The following ABHD3 variants were observed in gnomAD, a reference collection of about 807,000 sequenced individuals.
ABHD3 encodes the protein abhydrolase domain containing 3, phospholipase, also known as phospholipase ABHD3.
A neutral mutation model predicts 48.8 loss-of-function variants in ABHD3; 46 were observed. The ratio of observed to expected loss-of-function variants is 0.94; its 90% confidence interval spans 0.74 to 1.20. The LOEUF is 1.20. Ranked by LOEUF, ABHD3 falls within the 50% of genes most tolerant of loss-of-function variation. ABHD3 has a pLI of 0.00. For missense variants in ABHD3, 490 were observed against 497.8 expected, an observed-to-expected ratio of 0.98 and a Z score of 0.15; for synonymous variants, 192 against 183.7, an observed-to-expected ratio of 1.04 and a Z score of -0.36.
At chr18:21,703,220 C>CCCCA (rs2040553577) in intron 2 of ABHD3, among the ~76,000 whole-genome samples, 1 of 104,308 alleles carries the variant, frequency 9.6e-6, no homozygotes, top group Non-Finnish European at 1.9e-5. Flanking sequence ...CTCACCCCAC[C>CCCCA]CCCCCCCCCA....
rs1053137506 is a variant in ABHD3 at position 21,663,701 on chromosome 18, C to A, written c.668+417G>T. On this transcript the variant is annotated intron_variant, in intron 5 of 8. Coordinates refer to ENST00000289119, the MANE Select transcript of ABHD3 (RefSeq NM_138340.5). ...ACCTGGGGAAAAATAATTTTGAAGG[C>A]CACTGCAGCTGGAGAGAGCAATAAG... 4.6e-6 allele frequency: 7 copies of A among 1,535,338 alleles called. No homozygotes were observed. The African/African-American group carries it at 8.2e-5, about 18-fold the overall frequency.
chr18:21,680,279 G>A (rs1183940577), intron 4 of ABHD3, among the ~76,000 whole-genome samples: 3 of 152,200 alleles, frequency 2.0e-5, no homozygotes, highest in Admixed American at 1.3e-4. Flanking sequence ...GCCTCCCAAA[G>A]TGTTGGGATT....
At chr18:21,703,249 T>C (rs974108148) in intron 2 of ABHD3, among the ~76,000 whole-genome samples, 6 of 108,552 alleles carry the variant, frequency 5.5e-5, no homozygotes, top group Admixed American at 1.4e-4. Context: ...TACTTATCAA[T>C]GAATGAATGC....
chr18:21,656,787 CTATATTTCCTTAAAAATAACAATAT>C (rs1271955572), intron 8 of ABHD3, 49 bp downstream of exon 8: 32 of 1,313,600 alleles, frequency 2.4e-5, no homozygotes, highest in Non-Finnish European at 3.2e-5. Flanking sequence ...TTTCTTATTA[CTATATTTCCTTAAAAATAACAATAT>C]ATTAAAAGTT....
At chr18:21,690,996 C>CAAAAAAA (rs34425997) in intron 3 of ABHD3, among the ~76,000 whole-genome samples, 1 of 63,226 alleles carries the variant, frequency 1.6e-5, no homozygotes, top group Non-Finnish European at 3.1e-5. Context: ...GACTCTGTCT[C>CAAAAAAA]AAAAAAAAAA....
At chr18:21,671,963 A>G (rs1317864560) in intron 4 of ABHD3, among the ~76,000 whole-genome samples, 2 of 152,176 alleles carry the variant, frequency 1.3e-5, no homozygotes, top group East Asian at 3.9e-4. Flanking sequence ...TGGCTGAAAG[A>G]GGTTAGTTTT....
At chr18:21,680,674 T>C (rs1467009679) in intron 4 of ABHD3, among the ~76,000 whole-genome samples, 4 of 152,194 alleles carry the variant, frequency 2.6e-5, no homozygotes, top group Non-Finnish European at 4.4e-5. Flanking sequence ...GAATTCTTCC[T>C]GGAGGTTTTT....
intron 4 of ABHD3, among the ~76,000 whole-genome samples, chr18:21,669,895 T>C (rs1019218502): frequency 2.6e-5 from 4 of 151,934 alleles, no homozygotes; most frequent in Non-Finnish European, 5.9e-5. Flanking sequence ...GAAGCAAGGA[T>C]GTGAGTGCCA....
At chr18:21,654,031 T>A (rs562497782) in intron 8 of ABHD3, among the ~76,000 whole-genome samples, 3 of 151,606 alleles carry the variant, frequency 2.0e-5, no homozygotes, top group Admixed American at 2.0e-4. Flanking sequence ...TTTTTTTTTT[T>A]AGTAGAGATG....
At chr18:21,699,226 TCTAA>T (rs945984518) in intron 3 of ABHD3, among the ~76,000 whole-genome samples, 5 of 152,104 alleles carry the variant, frequency 3.3e-5, no homozygotes, top group African/African-American at 1.2e-4. Flanking sequence ...CTTTACACAC[TCTAA>T]CTAAACCCTG....
At chr18:21,697,694 C>G (rs914180401) in intron 3 of ABHD3, among the ~76,000 whole-genome samples, 2 of 152,158 alleles carry the variant, frequency 1.3e-5, no homozygotes, top group Non-Finnish European at 2.9e-5. Context: ...TTCTATTTAC[C>G]TTTGACTTAC....
chr18:21,683,865 A>C (rs1467508059), intron 4 of ABHD3, 55 bp downstream of exon 4: 9 of 1,475,800 alleles, frequency 6.1e-6, no homozygotes, highest in Non-Finnish European at 6.4e-6. Context: ...TTTTGTTATA[A>C]AACTAGAAAT....
At chr18:21,663,476 C>T (rs545308767) in intron 5 of ABHD3, among the ~76,000 whole-genome samples, 2 of 151,438 alleles carry the variant, frequency 1.3e-5, no homozygotes, top group South Asian at 2.1e-4. Flanking sequence ...AAAAAAAAAC[C>T]CCAAAAACAA....
At chr18:21,671,234 G>A (rs746786097) in intron 4 of ABHD3, among the ~76,000 whole-genome samples, 8 of 152,060 alleles carry the variant, frequency 5.3e-5, no homozygotes, top group Non-Finnish European at 1.2e-4. Flanking sequence ...TAACTAATAA[G>A]TTCTGATATA....
rs891294111 is a variant in ABHD3 at position 21,703,479 on chromosome 18, T to A, written c.326+105A>T. On this transcript the variant is annotated intron_variant, in intron 2 of 8. Coordinates refer to ENST00000289119, the MANE Select transcript of ABHD3 (RefSeq NM_138340.5). The stretch of plus-strand genomic sequence containing the variant: ...TTTCATTCCCTCTTTCTGTTCTATA[T>A]ACTTCCTAAAGCAGATTCTATTAAC... 20 of 1,372,570 alleles carry A rather than the reference T, an allele frequency of 1.5e-5. No homozygotes were observed. In the East Asian group the frequency reaches 4.7e-4, roughly 32 times the overall value. The allele number at this position is 1,372,570 out of a possible 1,614,324, so 85.0% of individuals were successfully genotyped here.
intron 3 of ABHD3, among the ~76,000 whole-genome samples, chr18:21,699,642 C>G (rs2040462456): frequency 6.6e-6 from 1 of 152,198 alleles, no homozygotes; most frequent in Non-Finnish European, 1.5e-5. Context: ...AGTTCTCAGC[C>G]TGGGCCTCAA....
intron 1 of ABHD3, among the ~76,000 whole-genome samples, chr18:21,704,157 G>A (rs1281142959): frequency 3.3e-5 from 5 of 152,238 alleles, no homozygotes; most frequent in Admixed American, 3.3e-4. Flanking sequence ...AAAGTGCTGA[G>A]ATTACAGGCG....
At position 21,675,430 on chromosome 18, in the gene ABHD3, A is replaced by G. The variant is rs566490615; in HGVS notation, c.555+8490T>C. Among the ~76,000 whole-genome samples the G allele has an allele frequency of 9.9e-5, 15 of 151,734 alleles. No homozygotes were observed. The East Asian group carries it at 1.2e-3, about 12-fold the overall frequency. On this transcript the variant is annotated intron_variant, in intron 4 of 8. Transcript: ENST00000289119. ...ACTACAGGCGCCTGTTGCCACGCCC[A>G]GCTAATTTTTGTGTTTTTAGTAGAG...
chr18:21,690,654 T>TA (rs1224599264), intron 3 of ABHD3, among the ~76,000 whole-genome samples: 1 of 150,950 alleles, frequency 6.6e-6, no homozygotes, highest in Non-Finnish European at 1.5e-5. Flanking sequence ...TGTAAATGAA[T>TA]AAGAACCTCA....
Sources: allele counts gnomAD v4.1 joint callset (sites outside exome capture counted in the v4.1 genomes callset), GRCh38; gene constraint gnomAD v4.1.1; transcripts MANE v1.5; gene names NCBI Gene and HGNC (gene_info 2026-07-23, HGNC 2026-07-21).